TPD52: variants seen among roughly 807,000 people sequenced by gnomAD.
TPD52 encodes the protein tumor protein D52.
In TPD52, 17 loss-of-function variants were observed where a neutral mutation model predicts 31.3. The observed-to-expected ratio is 0.54, with a 90% confidence interval of 0.37 to 0.82. TPD52 has a LOEUF of 0.82. TPD52 is among the 40% of genes least tolerant of loss of function. The probability of loss-of-function intolerance (pLI) is 0.00; values close to 1 mark genes in which losing one functional copy is unlikely to be tolerated. For missense variants in TPD52, 212 were observed against 240.1 expected, an observed-to-expected ratio of 0.88 and a Z score of 0.77; for synonymous variants, 83 against 89.6, an observed-to-expected ratio of 0.93 and a Z score of 0.42.
chr8:80,133,878 C>T (rs532446967), intron 1 of TPD52, among the ~76,000 whole-genome samples: 1 of 152,024 alleles, frequency 6.6e-6, no homozygotes, highest in South Asian at 2.1e-4. Context: ...ATAACAGGGT[C>T]ACTTTTTCTT....
chr8:80,151,582 T>C (rs1810571421), intron 1 of TPD52, among the ~76,000 whole-genome samples: 1 of 152,138 alleles, frequency 6.6e-6, no homozygotes, highest in Non-Finnish European at 1.5e-5. Context: ...AAAAGATCAG[T>C]TTTTTCTGGA....
chr8:80,063,459 G>A (rs1225413995), intron 2 of TPD52, among the ~76,000 whole-genome samples: 4 of 152,200 alleles, frequency 2.6e-5, no homozygotes, highest in South Asian at 2.1e-4. Context: ...AAGAAAATGT[G>A]TGGAACTTGA....
At chr8:80,166,606 A>AAT (rs912476916) in intron 1 of TPD52, among the ~76,000 whole-genome samples, 1 of 151,682 alleles carries the variant, frequency 6.6e-6, no homozygotes, top group East Asian at 2.0e-4. Context: ...TTCAATAAGA[A>AAT]ATTTTGTGAT....
rs555574995 is a variant in TPD52 at position 80,072,265 on chromosome 8, G to A, written c.20-7672C>T. Among the ~76,000 whole-genome samples the A allele has an allele frequency of 6.6e-5, 10 of 151,992 alleles. No homozygotes were observed. In the East Asian group the frequency reaches 1.7e-3, roughly 26 times the overall value. ...AGAGGTTGCAGTGAGCTGAGATTGC[G>A]CCACCACACTCCAGCCTGGCGACAG... On this transcript the variant is annotated intron_variant, in intron 1 of 7. Transcript: ENST00000518937.
intron 1 of TPD52, among the ~76,000 whole-genome samples, chr8:80,069,350 C>A (rs1813506337): frequency 6.6e-6 from 1 of 152,074 alleles, no homozygotes; most frequent in South Asian, 2.1e-4. Context: ...CCTGTAGTCC[C>A]AGCTACTCAG....
intron 1 of TPD52, among the ~76,000 whole-genome samples, chr8:80,170,124 TA>T (rs1205721234): frequency 2.0e-5 from 3 of 152,154 alleles, no homozygotes; most frequent in Admixed American, 1.3e-4. Context: ...TAAATGAAAG[TA>T]AAGTACAGGC....
intron 1 of TPD52, among the ~76,000 whole-genome samples, chr8:80,151,485 C>T (rs1225625062): frequency 6.6e-6 from 1 of 152,136 alleles, no homozygotes; most frequent in Admixed American, 6.5e-5. Flanking sequence ...CACTAGGACC[C>T]AAAAGCCAGA....
intron 1 of TPD52, among the ~76,000 whole-genome samples, chr8:80,140,950 C>CGTGTGTGTGTGTGTGTGTGTGTGTGT (rs142097159): frequency 2.8e-5 from 4 of 143,676 alleles, no homozygotes; most frequent in African/African-American, 7.8e-5. Flanking sequence ...CAATACAACT[C>CGTGTGTGTGTGTGTGTGTGTGTGTGT]GTGTGTGTGT....
At chr8:80,126,362 GTT>G (rs779307059) in intron 1 of TPD52, among the ~76,000 whole-genome samples, 5 of 131,878 alleles carry the variant, frequency 3.8e-5, no homozygotes, top group African/African-American at 1.1e-4. Flanking sequence ...ACTCATTGAG[GTT>G]TTTTTTTTTT....
At chr8:80,082,454 C>T (rs1815392500) in intron 1 of TPD52, among the ~76,000 whole-genome samples, 3 of 152,162 alleles carry the variant, frequency 2.0e-5, no homozygotes, top group Non-Finnish European at 4.4e-5. Flanking sequence ...CCACCTAGAG[C>T]CAAAGGCATT....
At chr8:80,060,387 A>G (rs1331041897) in intron 2 of TPD52, among the ~76,000 whole-genome samples, 1 of 152,066 alleles carries the variant, frequency 6.6e-6, no homozygotes, top group East Asian at 1.9e-4. Context: ...AAAATCTCCC[A>G]AAGAAAAGTG....
intron 1 of TPD52, among the ~76,000 whole-genome samples, chr8:80,156,126 TG>T (rs1199826646): frequency 3.9e-5 from 6 of 151,992 alleles, no homozygotes; most frequent in Non-Finnish European, 1.5e-5. Flanking sequence ...CAGCCTCAGT[TG>T]GGGGGACTTG....
intron 1 of TPD52, among the ~76,000 whole-genome samples, chr8:80,122,121 A>T (rs1025534268): frequency 6.6e-6 from 1 of 152,150 alleles, no homozygotes; most frequent in Non-Finnish European, 1.5e-5. Context: ...AAAATCTCAC[A>T]AAAGTTCTCT....
chr8:80,089,025 C>A (rs1816046544), intron 1 of TPD52, among the ~76,000 whole-genome samples: 1 of 152,178 alleles, frequency 6.6e-6, no homozygotes, highest in Non-Finnish European at 1.5e-5. Flanking sequence ...CAAGCCCATG[C>A]CAGAAACCTA....
chr8:80,092,839 G>C (rs995804403), intron 1 of TPD52, among the ~76,000 whole-genome samples: 2 of 151,748 alleles, frequency 1.3e-5, no homozygotes, highest in African/African-American at 2.4e-5. Flanking sequence ...TTAAATTACT[G>C]CCAGAGGCTG....
At chr8:80,171,136 A>AG in intron 1 of TPD52, 1 of 682,416 alleles carries the variant, frequency 1.5e-6, no homozygotes, top group Non-Finnish European at 2.7e-6. Flanking sequence ...CACGGCCGCC[A>AG]GCCCCTGACG....
intron 2 of TPD52, among the ~76,000 whole-genome samples, chr8:80,063,082 C>T (rs1812718404): frequency 6.6e-6 from 1 of 152,124 alleles, no homozygotes; most frequent in Non-Finnish European, 1.5e-5. Flanking sequence ...GGTACTCAAG[C>T]AAGTATTTGT....
chr8:80,160,889 C>CAAAAAAAAAAAAAAAAAAA (rs58923055), intron 1 of TPD52, among the ~76,000 whole-genome samples: 1 of 95,094 alleles, frequency 1.1e-5, no homozygotes, highest in Non-Finnish European at 2.0e-5. Context: ...ACTAAAAATA[C>CAAAAAAAAAAAAAAAAAAA]AAAAAAAAAA....
downstream of TPD52, chr8:80,033,377 C>T (rs1429015603): frequency 6.6e-6 from 1 of 152,296 alleles, no homozygotes; most frequent in Non-Finnish European, 1.5e-5. Flanking sequence ...CTCTTTCAGT[C>T]CCACCACCCC....
Sources: gnomAD v4.1 joint callset for allele counts (sites outside exome capture counted in the v4.1 genomes callset) on GRCh38, gnomAD v4.1.1 for gene constraint, MANE v1.5 for transcripts, NCBI Gene and HGNC (gene_info 2026-07-23, HGNC 2026-07-21) for gene names.